Variants in PGCKA1 observed in about 807,000 individuals in gnomAD.
The protein encoded by PGCKA1 is PDCD10 and GCKIII kinases-associated protein 1.
chr4:37,570,519 G>A, the PGCKA1 span, among the ~76,000 whole-genome samples: 1 of 151,182 alleles, frequency 6.6e-6, no homozygotes, highest in Non-Finnish European at 1.5e-5. Context: ...TATAATGTTG[G>A]GCAAGCAGTC....
At chr4:37,509,278 C>T in the PGCKA1 span, among the ~76,000 whole-genome samples, 1 of 131,014 alleles carries the variant, frequency 7.6e-6, no homozygotes, top group African/African-American at 3.0e-5. Flanking sequence ...CCCCCACCTC[C>T]CAGACAGGGC....
chr4:37,590,987 A>G, the PGCKA1 span: 3 of 1,610,594 alleles, frequency 1.9e-6, no homozygotes, highest in South Asian at 3.3e-5. Context: ...GAAGATTTGG[A>G]TGAGACTGAT....
At chr4:37,465,907 G>T in the PGCKA1 span, among the ~76,000 whole-genome samples, 23 of 152,296 alleles carry the variant, frequency 1.5e-4, no homozygotes, top group South Asian at 4.6e-3. Flanking sequence ...TCTTCTAGAA[G>T]AAGAGTTGAG....
chr4:37,490,599 G>C, the PGCKA1 span, among the ~76,000 whole-genome samples: 3 of 152,148 alleles, frequency 2.0e-5, no homozygotes, highest in Non-Finnish European at 2.9e-5. Flanking sequence ...TCACACACAA[G>C]AGTCTAAACA....
chr4:37,459,974 C>T, the PGCKA1 span, among the ~76,000 whole-genome samples: 2 of 152,080 alleles, frequency 1.3e-5, no homozygotes, highest in Non-Finnish European at 2.9e-5. Flanking sequence ...AGCTATTTAT[C>T]CTGATACTCT....
the PGCKA1 span, among the ~76,000 whole-genome samples, chr4:37,477,613 G>A: frequency 4.6e-5 from 7 of 152,186 alleles, no homozygotes; most frequent in South Asian, 2.1e-4. Context: ...AAGGAATTTC[G>A]GTAACCTTCT....
the PGCKA1 span, among the ~76,000 whole-genome samples, chr4:37,523,050 G>C: frequency 6.6e-6 from 1 of 152,134 alleles, no homozygotes; most frequent in South Asian, 2.1e-4. Flanking sequence ...ATTAGGACTT[G>C]CCTAAGAGTT....
the PGCKA1 span, among the ~76,000 whole-genome samples, chr4:37,553,080 C>T: frequency 2.2e-5 from 3 of 137,404 alleles, no homozygotes; most frequent in African/African-American, 8.2e-5. Context: ...AGTGGGATTA[C>T]ATTTTCTCCC....
the PGCKA1 span, among the ~76,000 whole-genome samples, chr4:37,530,602 T>C: frequency 1.4e-5 from 2 of 144,594 alleles, no homozygotes; most frequent in Non-Finnish European, 3.0e-5. Context: ...AAAAAAATGC[T>C]TGGGAGCCAG....
the PGCKA1 span, among the ~76,000 whole-genome samples, chr4:37,477,084 G>T: frequency 6.6e-6 from 1 of 152,168 alleles, no homozygotes; most frequent in Non-Finnish European, 1.5e-5. Context: ...GTCACAGAAA[G>T]ACTTGTACAC....
the PGCKA1 span, among the ~76,000 whole-genome samples, chr4:37,547,299 C>G: frequency 6.6e-6 from 1 of 152,116 alleles, no homozygotes; most frequent in African/African-American, 2.4e-5. Context: ...TGGTTTTGAC[C>G]TGGCTTGGAT....
the PGCKA1 span, among the ~76,000 whole-genome samples, chr4:37,538,414 C>T: frequency 6.6e-6 from 1 of 152,336 alleles, no homozygotes; most frequent in Middle Eastern, 3.4e-3. Flanking sequence ...ATTGGGGCAT[C>T]TGCAGATTCA....
chr4:37,483,115 G>C, the PGCKA1 span, among the ~76,000 whole-genome samples: 3 of 152,136 alleles, frequency 2.0e-5, no homozygotes, highest in African/African-American at 7.2e-5. Context: ...GTGATAGTGA[G>C]TAAGTTCTTA....
the PGCKA1 span, among the ~76,000 whole-genome samples, chr4:37,525,108 C>G: frequency 6.6e-6 from 1 of 152,090 alleles, no homozygotes; most frequent in Admixed American, 6.6e-5. Context: ...TGTATGTTTC[C>G]TCTGGGATAG....
At chr4:37,465,686 T>A in the PGCKA1 span, among the ~76,000 whole-genome samples, 2 of 152,120 alleles carry the variant, frequency 1.3e-5, no homozygotes, top group South Asian at 2.1e-4. Context: ...ACTCCAGAAT[T>A]TGGAGGTGGG....
chr4:37,583,727 T>C, the PGCKA1 span, among the ~76,000 whole-genome samples: 2 of 152,206 alleles, frequency 1.3e-5, no homozygotes, highest in Admixed American at 6.5e-5. Context: ...AACACAGGGC[T>C]GCAGAAGCAG....
At chr4:37,460,596 C>T in the PGCKA1 span, 1 of 452,648 alleles carries the variant, frequency 2.2e-6, no homozygotes, top group East Asian at 7.1e-5. Flanking sequence ...CAGTGATGAG[C>T]TTTTTTTATA....
chr4:37,586,800 C>T, the PGCKA1 span, among the ~76,000 whole-genome samples: 1 of 152,136 alleles, frequency 6.6e-6, no homozygotes, highest in African/African-American at 2.4e-5. Flanking sequence ...ATCCCAGCTA[C>T]TGGGGAGGCT....
chr4:37,551,408 A>G, the PGCKA1 span, among the ~76,000 whole-genome samples: 1 of 152,324 alleles, frequency 6.6e-6, no homozygotes, highest in Non-Finnish European at 1.5e-5. Flanking sequence ...CTGGACCCCC[A>G]ATTACATGCT....
Sources: allele counts gnomAD v4.1 joint callset (sites outside exome capture counted in the v4.1 genomes callset), GRCh38; gene constraint gnomAD v4.1.1; transcripts MANE v1.5; gene names NCBI Gene and HGNC (gene_info 2026-07-23, HGNC 2026-07-21).